MSRA: variants seen among roughly 807,000 people sequenced by gnomAD.
The protein encoded by MSRA is methionine sulfoxide reductase A, also known as mitochondrial peptide methionine sulfoxide reductase.
A neutral mutation model predicts 31.3 loss-of-function variants in MSRA; 54 were observed. The observed-to-expected ratio is 1.73, with a 90% CI of 1.39 to 2.17. The LOEUF (loss-of-function observed/expected upper bound fraction) is 2.17, where lower values mean the gene tolerates loss of function less well. MSRA is among the 30% of genes most tolerant of loss of function. The probability of loss-of-function intolerance (pLI) is 0.00; values close to 1 mark genes in which losing one functional copy is unlikely to be tolerated. For synonymous variants in MSRA, 169 were observed against 116.5 expected (o/e 1.45, Z -2.90); for missense variants, 507 against 300.9 (o/e 1.69, Z -5.07).
chr8:10,194,524 C>G (rs1807806443), intron 1 of MSRA, among the ~76,000 whole-genome samples: 1 of 152,202 alleles, frequency 6.6e-6, no homozygotes, highest in African/African-American at 2.4e-5. Context: ...CAAGATCATG[C>G]TAATGCACTT....
At chr8:10,133,472 T>A (rs931355106) in intron 1 of MSRA, among the ~76,000 whole-genome samples, 1 of 152,156 alleles carries the variant, frequency 6.6e-6, no homozygotes, top group African/African-American at 2.4e-5. Context: ...CTTAGGTCTC[T>A]CCTCTGTGCA....
chr8:10,150,290 G>A (rs566380014), intron 1 of MSRA, among the ~76,000 whole-genome samples: 56 of 152,158 alleles, frequency 3.7e-4, no homozygotes, highest in African/African-American at 1.3e-3. Context: ...ACAGTGCACC[G>A]GCTCTGAGCA....
intron 1 of MSRA, among the ~76,000 whole-genome samples, chr8:10,181,427 A>G (rs1029160659): frequency 6.7e-6 from 1 of 150,022 alleles, no homozygotes; most frequent in East Asian, 1.9e-4. Context: ...AACTTAAAGT[A>G]TAATAATAAT....
At chr8:10,343,119 T>C (rs1010865660) in intron 5 of MSRA, among the ~76,000 whole-genome samples, 2 of 152,016 alleles carry the variant, frequency 1.3e-5, no homozygotes, top group Non-Finnish European at 2.9e-5. Flanking sequence ...ATTTGTAATA[T>C]TTTAGCAGTC....
chr8:10,301,711 T>C, intron 4 of MSRA, 73 bp downstream of exon 4: 1 of 1,205,608 alleles, frequency 8.3e-7, no homozygotes, highest in Non-Finnish European at 1.2e-6. Flanking sequence ...TTGAGCTGCA[T>C]GGAAGAGATG....
intron 1 of MSRA, among the ~76,000 whole-genome samples, chr8:10,190,916 G>A (rs1438791999): frequency 1.3e-5 from 2 of 152,184 alleles, no homozygotes. Context: ...AGACCAGAGT[G>A]TAGTGAGACT....
chr8:10,126,348 A>G (rs1223862129), intron 1 of MSRA, among the ~76,000 whole-genome samples: 1 of 152,162 alleles, frequency 6.6e-6, no homozygotes, highest in Admixed American at 6.5e-5. Flanking sequence ...AAAGGAAGTA[A>G]AAATCACTCC....
At chr8:10,122,193 G>A (rs1054008221) in intron 1 of MSRA, among the ~76,000 whole-genome samples, 4 of 152,146 alleles carry the variant, frequency 2.6e-5, no homozygotes, top group Admixed American at 1.3e-4. Context: ...CATGAGAATT[G>A]ATGTACATGT....
rs540693856 is a variant in MSRA at position 10,418,627 on chromosome 8, A to C, written c.544-9521A>C. Among the ~76,000 whole-genome samples, 12 of 152,232 alleles carry C rather than the reference A, an allele frequency of 7.9e-5. No homozygotes were observed. In the East Asian group the frequency reaches 2.3e-3, roughly 29 times the overall value. On this transcript the variant is annotated intron_variant, in intron 5 of 5. Transcript: ENST00000317173. ...AGTCTCAAGGGAATCCATGGTCCCC[A>C]AGAGACACTATTGTACGTTCAGGTT...
At chr8:10,226,898 C>G (rs1212193317) in intron 2 of MSRA, among the ~76,000 whole-genome samples, 1 of 152,150 alleles carries the variant, frequency 6.6e-6, no homozygotes, top group Admixed American at 6.5e-5. Context: ...GTGCTACTGG[C>G]TATTTAATCC....
chr8:10,109,907 G>C (rs963797308), intron 1 of MSRA, among the ~76,000 whole-genome samples: 1 of 152,160 alleles, frequency 6.6e-6, no homozygotes, highest in African/African-American at 2.4e-5. Flanking sequence ...TTTTAACACC[G>C]CTAGTCTGTG....
chr8:10,093,086 G>A (rs894336267), intron 1 of MSRA, among the ~76,000 whole-genome samples: 3 of 152,094 alleles, frequency 2.0e-5, no homozygotes, highest in Non-Finnish European at 4.4e-5. Flanking sequence ...AGTATAAAGT[G>A]TGTCTTTTGT....
At chr8:10,129,145 G>C (rs1484642) in intron 1 of MSRA, among the ~76,000 whole-genome samples, 138,574 of 152,216 alleles carry the variant, frequency 0.91, 63,207 homozygotes, top group East Asian at 0.96. Context: ...TAGCTTCTGA[G>C]TGACGGAGAC....
intron 1 of MSRA, among the ~76,000 whole-genome samples, chr8:10,075,829 C>G (rs555713764): frequency 1.3e-5 from 2 of 152,280 alleles, no homozygotes; most frequent in South Asian, 4.1e-4. Context: ...ATATTTTTCT[C>G]CCATGGGTAC....
At chr8:10,272,093 T>C (rs1799074136) in intron 3 of MSRA, among the ~76,000 whole-genome samples, 1 of 152,234 alleles carries the variant, frequency 6.6e-6, no homozygotes, top group African/African-American at 2.4e-5. Flanking sequence ...CTGGCTCCCT[T>C]CATGCCTCCA....
chr8:10,081,914 A>T (rs1049779774), intron 1 of MSRA, among the ~76,000 whole-genome samples: 1 of 152,094 alleles, frequency 6.6e-6, no homozygotes, highest in East Asian at 1.9e-4. Context: ...TTTCTATCAA[A>T]ACCTCATCCA....
intron 1 of MSRA, among the ~76,000 whole-genome samples, chr8:10,189,006 C>T (rs1481709372): frequency 2.0e-5 from 3 of 152,104 alleles, no homozygotes; most frequent in Non-Finnish European, 4.4e-5. Flanking sequence ...CATGATGTAT[C>T]TTTCCATTGA....
intron 4 of MSRA, among the ~76,000 whole-genome samples, chr8:10,309,831 C>T (rs559568217): frequency 1.2e-4 from 18 of 152,238 alleles, no homozygotes; most frequent in African/African-American, 3.9e-4. Context: ...CTGCTCCAGG[C>T]GAGTTTTTTC....
intron 5 of MSRA, among the ~76,000 whole-genome samples, chr8:10,335,277 G>C (rs1802970163): frequency 1.8e-5 from 1 of 55,642 alleles, no homozygotes; most frequent in South Asian, 7.3e-4. Context: ...TTTTTTTGTA[G>C]TGTTTGAATT....
Sources: gnomAD v4.1 joint callset for allele counts (sites outside exome capture counted in the v4.1 genomes callset) on GRCh38, gnomAD v4.1.1 for gene constraint, MANE v1.5 for transcripts, NCBI Gene and HGNC (gene_info 2026-07-23, HGNC 2026-07-21) for gene names.